Variants in HECW1 observed in about 807,000 individuals in gnomAD.
The protein encoded by HECW1 is HECT, C2 and WW domain containing E3 ubiquitin protein ligase 1, also known as E3 ubiquitin-protein ligase HECW1.
In HECW1, 61 loss-of-function variants were observed where a neutral mutation model predicts 182.3. The observed-to-expected ratio is 0.33, with a 90% CI of 0.27 to 0.41. The LOEUF (loss-of-function observed/expected upper bound fraction) is 0.41. Among genes scored for constraint, HECW1 ranks in the 10% least tolerant of loss-of-function variants. The probability of loss-of-function intolerance (pLI) is 1.00; values close to 1 mark genes in which losing one functional copy is unlikely to be tolerated. For missense variants in HECW1, 1,739 were observed against 2,108.9 expected, an observed-to-expected ratio of 0.82 and a Z score of 3.44; for synonymous variants, 859 against 832.6, an observed-to-expected ratio of 1.03 and a Z score of -0.55.
At chr7:43,197,207 A>AG (rs561368122) in intron 2 of HECW1, among the ~76,000 whole-genome samples, 1 of 152,092 alleles carries the variant, frequency 6.6e-6, no homozygotes, top group African/African-American at 2.4e-5. Flanking sequence ...AGGAAAGATG[A>AG]GGAAAAAAAA....
At chr7:43,345,832 T>C (rs1441870666) in intron 5 of HECW1, among the ~76,000 whole-genome samples, 1 of 145,052 alleles carries the variant, frequency 6.9e-6, no homozygotes, top group African/African-American at 2.5e-5. Flanking sequence ...ACACACATCA[T>C]ATATATATAC....
intron 8 of HECW1, among the ~76,000 whole-genome samples, chr7:43,429,331 T>TATAC (rs1562965565): frequency 3.2e-5 from 3 of 92,798 alleles, no homozygotes; most frequent in Admixed American, 1.1e-4. Context: ...TATATATATA[T>TATAC]ATATACATAT....
At chr7:43,339,220 A>G (rs538093300) in intron 5 of HECW1, among the ~76,000 whole-genome samples, 70 of 152,282 alleles carry the variant, frequency 4.6e-4, no homozygotes, top group Non-Finnish European at 6.3e-4. Flanking sequence ...GCTTTACCCC[A>G]TTCTCTGGAA....
chr7:43,154,620 T>C (rs1482967047), intron 2 of HECW1, among the ~76,000 whole-genome samples: 1 of 152,216 alleles, frequency 6.6e-6, no homozygotes, highest in East Asian at 1.9e-4. Flanking sequence ...GAAACATTAG[T>C]ATGCATTTGA....
intron 5 of HECW1, among the ~76,000 whole-genome samples, chr7:43,340,753 AT>A (rs1446972106): frequency 1.3e-5 from 2 of 151,742 alleles, no homozygotes; most frequent in Non-Finnish European, 2.9e-5. Flanking sequence ...CAGTGTGGCG[AT>A]TCCTCAAGGA....
chr7:43,126,350 G>A lies in HECW1; in HGVS notation c.-32+11959G>A, dbSNP rs184842226. ...TAAAATATAACACATATATATCATT[G>A]TCTAAAGCAAGGGTCTGCAAGCTGA... On this transcript the variant is annotated intron_variant, in intron 2 of 29. Coordinates refer to ENST00000395891, the MANE Select transcript of HECW1 (RefSeq NM_015052.5). Among the ~76,000 whole-genome samples, 30 of 152,048 alleles carry A rather than the reference G, an allele frequency of 2.0e-4. No homozygotes were observed. The East Asian group carries it at 4.4e-3, about 23-fold the overall frequency.
At chr7:43,219,585 G>T (rs112132844) in intron 2 of HECW1, among the ~76,000 whole-genome samples, 1 of 152,210 alleles carries the variant, frequency 6.6e-6, no homozygotes, top group East Asian at 1.9e-4. Context: ...GGTCATGATC[G>T]ATTGAGCAAG....
At chr7:43,527,512 T>C (rs780639258) in intron 24 of HECW1, among the ~76,000 whole-genome samples, 13 of 152,192 alleles carry the variant, frequency 8.5e-5, no homozygotes, top group African/African-American at 3.1e-4. Context: ...CTATCTCTTA[T>C]AAGAACGCTT....
rs115961546 is a variant in HECW1, at chr7:43,489,842, C to T, written c.3235-2233C>T. On this transcript the variant is annotated intron_variant, in intron 17 of 29. Coordinates refer to ENST00000395891, the MANE Select transcript of HECW1 (RefSeq NM_015052.5). ...TCGTTAAGTAATTTGCCCTACATTACGATCTGCAATATCACACATGGCCTA... is the reference window on the plus strand; with the variant it reads ...TCGTTAAGTAATTTGCCCTACATTATGATCTGCAATATCACACATGGCCTA... Among the ~76,000 whole-genome samples the T allele has an allele frequency of 4.2e-3, 637 of 152,320 alleles. 7 individuals are homozygous for T. Among genetic ancestry groups the T allele is most frequent in the African/African-American group, 0.015 (608 of 41,562 alleles).
intron 3 of HECW1, chr7:43,274,378 C>A: frequency 3.1e-6 from 2 of 644,962 alleles, no homozygotes; most frequent in East Asian, 5.8e-5. Flanking sequence ...GGTCCCCCTG[C>A]GGGTAAAGAA....
At position 43,516,976 on chromosome 7, in the gene HECW1, A is replaced by G. The variant is rs148466932; in HGVS notation, c.4019+7855A>G. Among the ~76,000 whole-genome samples, 5 of 152,350 alleles carry G rather than the reference A, an allele frequency of 3.3e-5. No homozygotes were observed. In the East Asian group the frequency reaches 9.6e-4, roughly 29 times the overall value. On this transcript the variant is annotated intron_variant, in intron 24 of 29. Transcript: ENST00000395891. Reference sequence around the variant, plus strand: ...AGAAGATAAGAAATGGTACACCTGTATAGGGCAGCTCCGTTATAATCTTTT... The same window carrying G: ...AGAAGATAAGAAATGGTACACCTGTGTAGGGCAGCTCCGTTATAATCTTTT...
chr7:43,151,928 T>TATACATATACATACAC lies in HECW1; in HGVS notation c.-32+37545_-32+37546insACATACACATACATAT, dbSNP rs565598400. On this transcript the variant is annotated intron_variant, in intron 2 of 29. Transcript: ENST00000395891. The stretch of plus-strand genomic sequence containing the variant: ...CAAGATATTGAAAAAGACACATACA[T>TATACATATACATACAC]ATACATATCCTAATAATATGTTCTA... Among the ~76,000 whole-genome samples the TATACATATACATACAC allele has an allele frequency of 1.8e-3, 269 of 152,280 alleles. 1 individual carries two copies. The highest frequency in any genetic ancestry group is 4.3e-4 in the Non-Finnish European group (29 of 67,994).
intron 21 of HECW1, among the ~76,000 whole-genome samples, chr7:43,502,899 G>C (rs2079422492): frequency 1.3e-5 from 2 of 152,182 alleles, no homozygotes; most frequent in Non-Finnish European, 2.9e-5. Context: ...TTTGAAGCCA[G>C]TGGTAAAATT....
At chr7:43,290,516 CA>C (rs1805268393) in intron 3 of HECW1, among the ~76,000 whole-genome samples, 1 of 152,150 alleles carries the variant, frequency 6.6e-6, no homozygotes, top group South Asian at 2.1e-4. Flanking sequence ...GCCTAAACTC[CA>C]GAAGGGAGGG....
intron 2 of HECW1, among the ~76,000 whole-genome samples, chr7:43,202,174 C>T (rs1214718866): frequency 1.3e-5 from 2 of 152,236 alleles, no homozygotes; most frequent in East Asian, 3.9e-4. Context: ...CTGAAGGATA[C>T]CTAGCTAGTC....
intron 3 of HECW1, among the ~76,000 whole-genome samples, chr7:43,262,439 G>A (rs1343902706): frequency 6.6e-6 from 1 of 152,142 alleles, no homozygotes; most frequent in African/African-American, 2.4e-5. Context: ...AACTGAGGCT[G>A]CAGGGATAAG....
chr7:43,511,031 C>A (rs2079841737), intron 24 of HECW1: 1 of 152,182 alleles, frequency 6.6e-6, no homozygotes, highest in Non-Finnish European at 1.5e-5. Flanking sequence ...ACTGAAGAAG[C>A]TTTATAGATG....
At chr7:43,434,090 T>C (rs2076634089) in intron 8 of HECW1, among the ~76,000 whole-genome samples, 1 of 152,222 alleles carries the variant, frequency 6.6e-6, no homozygotes, top group Non-Finnish European at 1.5e-5. Flanking sequence ...AAATTTATCT[T>C]TTAACCAAGT....
chr7:43,466,408 T>A (rs774507497), intron 14 of HECW1, 39 bp from the exon 15 acceptor site: 7 of 1,606,588 alleles, frequency 4.4e-6, no homozygotes, highest in Non-Finnish European at 5.1e-6. Context: ...AATGCCTTTT[T>A]CCCAATGCAT....
Sources: allele counts gnomAD v4.1 joint callset (sites outside exome capture counted in the v4.1 genomes callset), GRCh38; gene constraint gnomAD v4.1.1; transcripts MANE v1.5; gene names NCBI Gene and HGNC (gene_info 2026-07-23, HGNC 2026-07-21).